Variants in MCC observed in about 807,000 individuals in gnomAD.
MCC encodes colorectal mutant cancer protein.
Under a neutral mutation model 116.2 loss-of-function variants are expected in MCC, and 90 were observed. The observed-to-expected ratio is 0.77, with a 90% CI of 0.65 to 0.92. The LOEUF is 0.92. Ranked by LOEUF, MCC falls within the 40% of genes least tolerant of loss-of-function variation. The pLI is 0.00. For missense variants in MCC, 1,516 were observed against 1,312.2 expected (o/e 1.16, Z -2.40); for synonymous variants, 578 against 510.5 (o/e 1.13, Z -1.78).
intron 3 of MCC, among the ~76,000 whole-genome samples, chr5:113,276,556 A>G (rs954343967): frequency 1.3e-5 from 2 of 152,180 alleles, no homozygotes; most frequent in Non-Finnish European, 2.9e-5. Context: ...ACAGATTGAA[A>G]ACCTACATAC....
intron 18 of MCC, among the ~76,000 whole-genome samples, chr5:113,027,869 T>G (rs1750675775): frequency 6.6e-6 from 1 of 152,186 alleles, no homozygotes; most frequent in South Asian, 2.1e-4. Flanking sequence ...AGGAGAGTAC[T>G]CCTAAGGCAC....
intron 3 of MCC, among the ~76,000 whole-genome samples, chr5:113,208,957 T>C (rs573633096): frequency 6.8e-4 from 104 of 152,334 alleles, no homozygotes; most frequent in Non-Finnish European, 1.2e-3. Context: ...CTAAGGGTCG[T>C]GGTATATATT....
chr5:113,443,193 T>A (rs867350826), intron 1 of MCC, among the ~76,000 whole-genome samples: 6 of 152,338 alleles, frequency 3.9e-5, no homozygotes, highest in Middle Eastern at 3.4e-3. Context: ...TTTGTAGTTC[T>A]CCTTGAAGAG....
chr5:113,047,866 A>C (rs1006496101), intron 16 of MCC, among the ~76,000 whole-genome samples: 2 of 151,944 alleles, frequency 1.3e-5, no homozygotes, highest in African/African-American at 2.4e-5. Context: ...GGGCTGATAA[A>C]AGAGTGAGTT....
intron 6 of MCC, among the ~76,000 whole-genome samples, chr5:113,119,441 A>G (rs1056357806): frequency 6.6e-6 from 1 of 152,222 alleles, no homozygotes; most frequent in Admixed American, 6.5e-5. Flanking sequence ...CAGCCAGCAC[A>G]GAGCCCCGGG....
chr5:113,431,116 G>T (rs977374239), intron 1 of MCC, among the ~76,000 whole-genome samples: 1 of 152,062 alleles, frequency 6.6e-6, no homozygotes, highest in Non-Finnish European at 1.5e-5. Flanking sequence ...GAAAGGAAGG[G>T]GAGGAGCTTG....
chr5:113,176,999 C>A (rs1301386942), intron 3 of MCC, among the ~76,000 whole-genome samples: 1 of 152,200 alleles, frequency 6.6e-6, no homozygotes. Context: ...GACATCATTT[C>A]TCTTGCTAAA....
At chr5:113,071,350 T>A in intron 11 of MCC, 116 bp from the exon 12 acceptor site, 1 of 1,020,822 alleles carries the variant, frequency 9.8e-7, no homozygotes, top group East Asian at 2.5e-5. Context: ...CCTGTCAGAT[T>A]AGTAGCTGAC....
intron 3 of MCC, among the ~76,000 whole-genome samples, chr5:113,161,360 T>C (rs954528010): frequency 2.0e-5 from 3 of 152,232 alleles, no homozygotes; most frequent in African/African-American, 7.2e-5. Flanking sequence ...CAGAGAATTC[T>C]ATGAACATGA....
chr5:113,046,307 C>T (rs1752068601), intron 16 of MCC, among the ~76,000 whole-genome samples: 3 of 151,942 alleles, frequency 2.0e-5, no homozygotes, highest in Non-Finnish European at 2.9e-5. Flanking sequence ...GTTCTTGTGC[C>T]GCAGCCTCCC....
chr5:113,229,700 A>G (rs7737313), intron 3 of MCC, among the ~76,000 whole-genome samples: 2 of 152,206 alleles, frequency 1.3e-5, no homozygotes, highest in African/African-American at 4.8e-5. Context: ...TTGTAATACC[A>G]CATTTTTACT....
At chr5:113,307,621 G>T (rs1767021314) in intron 3 of MCC, among the ~76,000 whole-genome samples, 1 of 152,014 alleles carries the variant, frequency 6.6e-6, no homozygotes, top group Admixed American at 6.6e-5. Flanking sequence ...TTACAATCTG[G>T]ATGTTTTTAT....
At chr5:113,101,609 A>C in intron 8 of MCC, 130 bp downstream of exon 8, 1 of 874,680 alleles carries the variant, frequency 1.1e-6, no homozygotes, top group Non-Finnish European at 1.8e-6. Flanking sequence ...ACTTCATAAC[A>C]GGAAAGAGAC....
At chr5:113,204,439 C>T (rs1452267105) in intron 3 of MCC, 1 of 152,124 alleles carries the variant, frequency 6.6e-6, no homozygotes, top group African/African-American at 2.4e-5. Context: ...AAACATGCAC[C>T]AAATTCTAAA....
chr5:113,423,867 A>T (rs567523931), intron 1 of MCC, among the ~76,000 whole-genome samples: 19 of 152,252 alleles, frequency 1.2e-4, no homozygotes, highest in African/African-American at 4.3e-4. Context: ...GGATAAGGTT[A>T]TCATCCTGAA....
At chr5:113,112,828 G>A (rs114288135) in intron 6 of MCC, among the ~76,000 whole-genome samples, 2,857 of 152,308 alleles carry the variant, frequency 0.019, 102 homozygotes, top group African/African-American at 0.066. Context: ...CTTTTTATAA[G>A]CCAACTTTTT....
intron 2 of MCC, among the ~76,000 whole-genome samples, chr5:113,344,395 TGCTGG>T (rs1340299606): frequency 6.6e-5 from 10 of 152,142 alleles, no homozygotes; most frequent in Non-Finnish European, 1.3e-4. Flanking sequence ...CAGATCCTAG[TGCTGG>T]GCTGGGCTTA....
chr5:113,386,094 C>T (rs1046159550), intron 1 of MCC, among the ~76,000 whole-genome samples: 2 of 152,176 alleles, frequency 1.3e-5, no homozygotes, highest in African/African-American at 4.8e-5. Flanking sequence ...ACCTAACCTC[C>T]TTTAGCAAAT....
intron 2 of MCC, among the ~76,000 whole-genome samples, chr5:113,372,077 G>A (rs1389478391): frequency 6.6e-6 from 1 of 152,186 alleles, no homozygotes; most frequent in African/African-American, 2.4e-5. Flanking sequence ...ATGCCGGAGA[G>A]AGAAAATAGA....
Sources: gnomAD v4.1 joint callset for allele counts (sites outside exome capture counted in the v4.1 genomes callset) on GRCh38, gnomAD v4.1.1 for gene constraint, MANE v1.5 for transcripts, NCBI Gene and HGNC (gene_info 2026-07-23, HGNC 2026-07-21) for gene names.